The following XIRP2 variants were observed in gnomAD, a reference collection of about 807,000 sequenced individuals.
XIRP2 encodes the protein xin actin binding repeat containing 2.
In XIRP2, 236 loss-of-function variants were observed where a neutral mutation model predicts 277.0. That is an observed-to-expected ratio of 0.85 (90% CI 0.77 to 0.95). The LOEUF is 0.95. Ranked by LOEUF, XIRP2 falls within the 40% of genes least tolerant of loss-of-function variation. XIRP2 has a pLI of 0.00. For synonymous variants in XIRP2, 1,490 were observed against 1,416.5 expected, an observed-to-expected ratio of 1.05 and a Z score of -1.17; for missense variants, 4,640 against 4,157.5, an observed-to-expected ratio of 1.12 and a Z score of -3.19.
At chr2:166,959,040 G>T (rs59974653) in intron 2 of XIRP2, among the ~76,000 whole-genome samples, 7,656 of 149,930 alleles carry the variant, frequency 0.051, 259 homozygotes, top group African/African-American at 0.088. Context: ...TTCTCTCAAC[G>T]GCTTAAAGTA....
chr2:167,130,667 TC>T (rs1691347828), intron 2 of XIRP2, among the ~76,000 whole-genome samples: 1 of 152,038 alleles, frequency 6.6e-6, no homozygotes, highest in Non-Finnish European at 1.5e-5. Flanking sequence ...TTTCTTTCTT[TC>T]CTTTTAATCC....
At position 167,248,045 on chromosome 2, in the gene XIRP2, A is replaced by G; in HGVS notation, c.6653A>G (p.Asp2218Gly). The change falls in exon 9 of 11, where the codon GAC becomes GGC. Residue 2218 changes from aspartate to glycine, a missense_variant. By Grantham distance (94) the Asp-to-Gly change is moderately conservative. Transcript: ENST00000409195. ...PMWQLLPVEQDTSNVTEMKVS... is the reference protein window; with the variant it reads ...PMWQLLPVEQGTSNVTEMKVS... ...TGGCAGCTTTTGCCTGTAGAGCAAG[A>G]CACATCCAATGTAACAGAAATGAAA... 1 of 1,613,714 alleles carries G rather than the reference A, an allele frequency of 6.2e-7. No homozygotes were observed. The highest frequency in any genetic ancestry group is 8.5e-7 in the Non-Finnish European group (1 of 1,179,798).
intron 2 of XIRP2, among the ~76,000 whole-genome samples, chr2:166,908,614 G>C (rs898946636): frequency 6.6e-6 from 1 of 152,108 alleles, no homozygotes; most frequent in South Asian, 2.1e-4. Context: ...AAGCTCTTTA[G>C]TTTAATTAGA....
At chr2:166,932,697 T>C (rs1418478868) in intron 2 of XIRP2, among the ~76,000 whole-genome samples, 1 of 152,198 alleles carries the variant, frequency 6.6e-6, no homozygotes, top group Non-Finnish European at 1.5e-5. Context: ...GTAGTTCAAT[T>C]TAAACTTTTT....
intron 2 of XIRP2, among the ~76,000 whole-genome samples, chr2:167,028,188 T>A (rs1688228679): frequency 6.6e-6 from 1 of 152,110 alleles, no homozygotes; most frequent in Non-Finnish European, 1.5e-5. Context: ...AGCCAGGCAT[T>A]GTATTAAGCA....
At chr2:167,085,617 C>G (rs1574239590) in intron 2 of XIRP2, among the ~76,000 whole-genome samples, 1 of 152,072 alleles carries the variant, frequency 6.6e-6, no homozygotes, top group East Asian at 1.9e-4. Flanking sequence ...CTTTATGAAT[C>G]TGGGTGCTCC....
chr2:166,949,820 T>G (rs1026743165), intron 2 of XIRP2, among the ~76,000 whole-genome samples: 1 of 152,130 alleles, frequency 6.6e-6, no homozygotes, highest in African/African-American at 2.4e-5. Context: ...AAATGTGTCA[T>G]ACATTGTGTT....
intron 2 of XIRP2, among the ~76,000 whole-genome samples, chr2:167,001,856 A>G (rs1687383980): frequency 6.6e-6 from 1 of 152,160 alleles, no homozygotes; most frequent in Non-Finnish European, 1.5e-5. Context: ...TAAGTGAACC[A>G]TTCTTTCCGA....
chr2:166,895,474 C>A (rs1169926410), intron 1 of XIRP2, among the ~76,000 whole-genome samples: 2 of 152,112 alleles, frequency 1.3e-5, no homozygotes, highest in African/African-American at 4.8e-5. Context: ...GTGGGTCCCA[C>A]CATACCCAAC....
chr2:167,047,184 T>C (rs1339530577), intron 2 of XIRP2, among the ~76,000 whole-genome samples: 1 of 151,748 alleles, frequency 6.6e-6, no homozygotes, highest in African/African-American at 2.4e-5. Flanking sequence ...TTTCAGAGAA[T>C]CAACAAATAA....
At chr2:166,973,847 A>G (rs371190544) in intron 2 of XIRP2, among the ~76,000 whole-genome samples, 12 of 152,240 alleles carry the variant, frequency 7.9e-5, no homozygotes, top group African/African-American at 2.4e-4. Flanking sequence ...ATATAGATAG[A>G]TGATTCCATT....
rs1016535349 is a variant in XIRP2, at chr2:167,247,688, A to G, written c.6296A>G (p.Asp2099Gly). 5.6e-6 allele frequency: 9 copies of G among 1,613,536 alleles called. No individual in the cohort carries two copies. In the African/African-American group the frequency reaches 1.2e-4, roughly 22 times the overall value. Residue 2099 changes from aspartate (D) to glycine (G), a missense_variant, in exon 9 of 11, where the codon GAC becomes GGC. Transcript: ENST00000409195. ...AATAATCTAACAACTAAAGAATCAG[A>G]CAGGGCAGTGAGAGAGCTGAAGAAG... ...VKNNLTTKES[D>G]RAVRELKKDD... is the part of the protein sequence containing the mutation.
At chr2:166,909,395 A>C (rs1361734140) in intron 2 of XIRP2, among the ~76,000 whole-genome samples, 1 of 152,088 alleles carries the variant, frequency 6.6e-6, no homozygotes, top group Non-Finnish European at 1.5e-5. Context: ...ATGGGAGTTC[A>C]CTCATGATTT....
chr2:167,247,814 T>G lies in XIRP2; in HGVS notation c.6422T>G (p.Ile2141Arg). The G allele has an allele frequency of 6.2e-7, 1 of 1,613,324 alleles. No individual in the cohort carries two copies. Residue 2141 changes from isoleucine to arginine, a missense_variant, in exon 9 of 11, where the codon ATA becomes AGA. Transcript: ENST00000409195. ...NDHQKMEGFHIKSPKKTKNIK... is the reference protein window; with the variant it reads ...NDHQKMEGFHRKSPKKTKNIK... ...CACCAGAAAATGGAGGGTTTTCATA[T>G]AAAGAGTCCTAAAAAGACCAAAAAT... is the stretch of plus-strand genomic sequence containing the variant.
intron 2 of XIRP2, among the ~76,000 whole-genome samples, chr2:166,908,529 G>A (rs1388410364): frequency 1.3e-5 from 2 of 152,072 alleles, no homozygotes; most frequent in Non-Finnish European, 2.9e-5. Flanking sequence ...TTTGTCAGAT[G>A]AGTAGATTGC....
intron 2 of XIRP2, among the ~76,000 whole-genome samples, chr2:167,080,758 G>A (rs1235483448): frequency 2.0e-5 from 3 of 152,112 alleles, no homozygotes; most frequent in South Asian, 2.1e-4. Flanking sequence ...CCAATGGAAC[G>A]TTTCCCTATA....
intron 2 of XIRP2, among the ~76,000 whole-genome samples, chr2:167,055,246 A>C (rs112207861): frequency 7.2e-5 from 11 of 152,302 alleles, no homozygotes; most frequent in African/African-American, 2.4e-4. Context: ...TGCTCAAATG[A>C]GAACTGAGGG....
chr2:167,157,723 G>T (rs980885724), intron 3 of XIRP2, among the ~76,000 whole-genome samples: 3 of 152,016 alleles, frequency 2.0e-5, no homozygotes, highest in Non-Finnish European at 4.4e-5. Flanking sequence ...CACTTACAAA[G>T]AAAACAGTGA....
intron 2 of XIRP2, among the ~76,000 whole-genome samples, chr2:167,082,053 G>A (rs144463171): frequency 0.1 from 14,980 of 150,140 alleles, 1,552 homozygotes; most frequent in African/African-American, 0.26. Flanking sequence ...CCACTAACTC[G>A]TCATCTAGCA....
Sources: gnomAD v4.1 joint callset for allele counts (sites outside exome capture counted in the v4.1 genomes callset) on GRCh38, gnomAD v4.1.1 for gene constraint, MANE v1.5 for transcripts, NCBI Gene and HGNC (gene_info 2026-07-23, HGNC 2026-07-21) for gene names.